The following ANKRD11 variants were observed in gnomAD, a reference collection of about 807,000 sequenced individuals.
The protein encoded by ANKRD11 is ankyrin repeat domain-containing protein 11.
A neutral mutation model predicts 195.7 loss-of-function variants in ANKRD11; 17 were observed. That is an observed-to-expected ratio of 0.09 (90% CI 0.06 to 0.13). The LOEUF (loss-of-function observed/expected upper bound fraction) is 0.13, where lower values mean the gene tolerates loss of function less well. ANKRD11 is among the 10% of genes least tolerant of loss of function. The pLI is 1.00. For missense variants in ANKRD11, 3,735 were observed against 3,566.1 expected (o/e 1.05, Z -1.21); for synonymous variants, 1,953 against 1,528.1 (o/e 1.28, Z -6.49).
chr16:89,430,600 T>C (rs2042936720), intron 1 of ANKRD11, among the ~76,000 whole-genome samples: 1 of 152,196 alleles, frequency 6.6e-6, no homozygotes, highest in South Asian at 2.1e-4. Context: ...ACACAGCAGG[T>C]GCGCTGTCCT....
intron 1 of ANKRD11, among the ~76,000 whole-genome samples, chr16:89,475,859 G>A (rs920649037): frequency 3.9e-5 from 6 of 152,044 alleles, no homozygotes; most frequent in African/African-American, 1.4e-4. Context: ...AGACCAGCCT[G>A]GCCAACATGG....
At chr16:89,288,795 G>T in intron 6 of ANKRD11, 125 bp from the exon 7 acceptor site, 2 of 1,350,390 alleles carry the variant, frequency 1.5e-6, no homozygotes, top group Non-Finnish European at 2.1e-6. Flanking sequence ...GCCCTGTAGT[G>T]AGGGCTGCAG....
At chr16:89,476,807 G>C (rs543043322) in intron 1 of ANKRD11, among the ~76,000 whole-genome samples, 6 of 151,176 alleles carry the variant, frequency 4.0e-5, no homozygotes, top group African/African-American at 1.5e-4. Flanking sequence ...GGTTCTCTCA[G>C]AGGCATGATG....
intron 2 of ANKRD11, among the ~76,000 whole-genome samples, chr16:89,331,140 G>A (rs937293069): frequency 6.6e-6 from 1 of 152,148 alleles, no homozygotes; most frequent in African/African-American, 2.4e-5. Flanking sequence ...TTTGAGGAGA[G>A]ATGGGGTTTC....
intron 9 of ANKRD11, among the ~76,000 whole-genome samples, chr16:89,276,551 G>C (rs1230088664): frequency 6.6e-6 from 1 of 152,194 alleles, no homozygotes; most frequent in Non-Finnish European, 1.5e-5. Flanking sequence ...GGCCAGGCCT[G>C]GGGCCTCTGA....
chr16:89,344,257 T>C (rs987547042), intron 2 of ANKRD11, among the ~76,000 whole-genome samples: 2 of 152,176 alleles, frequency 1.3e-5, no homozygotes, highest in African/African-American at 4.8e-5. Flanking sequence ...TTTACTTTCA[T>C]ACGTTATTTT....
At chr16:89,268,802 C>G (rs2032863155) in intron 12 of ANKRD11, 139 bp from the exon 13 acceptor site, 1 of 961,826 alleles carries the variant, frequency 1.0e-6, no homozygotes, top group Non-Finnish European at 1.6e-6. Flanking sequence ...CCAGCTGTAC[C>G]CGCTCCTGGC....
At chr16:89,311,935 T>G (rs2036627964) in intron 3 of ANKRD11, among the ~76,000 whole-genome samples, 1 of 152,202 alleles carries the variant, frequency 6.6e-6, no homozygotes, top group Admixed American at 6.5e-5. Context: ...TCTCACTCTG[T>G]CACCCAGGCT....
chr16:89,486,958 G>A (rs973673356), intron 1 of ANKRD11, among the ~76,000 whole-genome samples: 3 of 148,396 alleles, frequency 2.0e-5, no homozygotes, highest in Admixed American at 6.8e-5. Flanking sequence ...GCAGTGAGTC[G>A]AGATCATGCC....
At chr16:89,334,996 T>C (rs980155670) in intron 2 of ANKRD11, among the ~76,000 whole-genome samples, 2 of 152,090 alleles carry the variant, frequency 1.3e-5, no homozygotes, top group African/African-American at 2.4e-5. Flanking sequence ...CACAGGTACA[T>C]GTGACATGAG....
Position 89,388,264 on chromosome 16 carries a change from C to T in ANKRD11, c.-60+30020G>A, listed in dbSNP as rs142357196. Among the ~76,000 whole-genome samples the T allele has an allele frequency of 6.7e-5, 10 of 150,312 alleles. No individual in the cohort carries two copies. The East Asian group carries it at 2.0e-3, about 29-fold the overall frequency. ...TGCTCCAGGGCCCACGCGGGTGGTGCCGGGTGCTCTCTTCTCTCCATGAGG... is the reference window on the plus strand; with the variant it reads ...TGCTCCAGGGCCCACGCGGGTGGTGTCGGGTGCTCTCTTCTCTCCATGAGG... On this transcript the variant is annotated intron_variant, in intron 2 of 12. Coordinates refer to ENST00000301030, the MANE Select transcript of ANKRD11 (RefSeq NM_013275.6).
Position 89,282,922 on chromosome 16 carries a change from T to C in ANKRD11, c.3620A>G (p.Glu1207Gly). The C allele has an allele frequency of 3.1e-6, 5 of 1,613,294 alleles. No individual in the cohort carries two copies. The highest frequency in any genetic ancestry group is 8.5e-7 in the Non-Finnish European group (1 of 1,179,974). Reference protein sequence around the residue: ...KKEKVFEKHKEKKDKESTEKY... With the variant: ...KKEKVFEKHKGKKDKESTEKY... The stretch of plus-strand genomic sequence containing the variant: ...TTCTGTGGACTCTTTATCCTTCTTC[T>C]CCTTGTGCTTTTCAAAGACTTTCTC... The change falls in exon 9 of 13, where the codon GAG (glutamate) becomes GGG (glycine). Residue 1207 changes from glutamate (E) to glycine (G), a missense_variant. Physicochemically the swap from Glu to Gly is moderately conservative, Grantham distance 98. Coordinates refer to ENST00000301030, the MANE Select transcript of ANKRD11 (RefSeq NM_013275.6).
At chr16:89,462,575 G>C (rs541899506) in intron 1 of ANKRD11, among the ~76,000 whole-genome samples, 197 of 150,696 alleles carry the variant, frequency 1.3e-3, no homozygotes, top group Middle Eastern at 3.4e-3. Flanking sequence ...GCCCAGTCTG[G>C]AAAGTGAGGA....
At chr16:89,458,434 C>T (rs555724948) in intron 1 of ANKRD11, among the ~76,000 whole-genome samples, 3 of 152,134 alleles carry the variant, frequency 2.0e-5, no homozygotes, top group Non-Finnish European at 4.4e-5. Flanking sequence ...CCATGTTAGC[C>T]AGGATGGTCT....
At chr16:89,470,206 T>C (rs1208338446) in intron 1 of ANKRD11, among the ~76,000 whole-genome samples, 1 of 151,940 alleles carries the variant, frequency 6.6e-6, no homozygotes, top group Non-Finnish European at 1.5e-5. Context: ...ATGCCTATAA[T>C]GTCACCGGCC....
chr16:89,305,529 G>A (rs900523266), intron 3 of ANKRD11, among the ~76,000 whole-genome samples, 185 bp from the exon 4 acceptor site: 2 of 152,078 alleles, frequency 1.3e-5, no homozygotes, highest in South Asian at 4.1e-4. Context: ...GAAGCCCGGG[G>A]TCGGGCTGTG....
chr16:89,348,381 T>A (rs2039044600), intron 2 of ANKRD11, among the ~76,000 whole-genome samples: 1 of 152,224 alleles, frequency 6.6e-6, no homozygotes, highest in Admixed American at 6.5e-5. Flanking sequence ...GGTATCGCTA[T>A]CCTTTCTATC....
At position 89,279,962 on chromosome 16, in the gene ANKRD11, G is replaced by C. The variant is rs201589586; in HGVS notation, c.6580C>G (p.Gln2194Glu). The change falls in exon 9 of 13, where the codon CAG becomes GAG. Residue 2194 changes from glutamine to glutamate, a missense_variant. Physicochemically the swap from Gln to Glu is conservative, Grantham distance 29 (BLOSUM62 2). Coordinates refer to ENST00000301030, the MANE Select transcript of ANKRD11 (RefSeq NM_013275.6). This position sits in a 1 kb window ranked among gnomAD's most constrained non-coding sequence, Gnocchi z 5.6. Reference protein sequence around the residue: ...AEEPPALPPDQASTRLPAELE... With the variant: ...AEEPPALPPDEASTRLPAELE... ...TCTGCAGGGAGCCGGGTGGAGGCCT[G>C]GTCAGGAGGCAGTGCCGGCGGCTCC... 2.4e-4 allele frequency: 391 copies of C among 1,610,456 alleles called. No individual in the cohort carries two copies. Among genetic ancestry groups the C allele is most frequent in the Non-Finnish European group, 3.1e-4 (361 of 1,179,932 alleles).
At chr16:89,384,879 C>CTTTCTTTTTTTTTTTTTTTTTTT (rs2040832957) in intron 2 of ANKRD11, among the ~76,000 whole-genome samples, 1 of 49,910 alleles carries the variant, frequency 2.0e-5, no homozygotes, top group African/African-American at 7.9e-5. Flanking sequence ...AAATAGTTTT[C>CTTTCTTTTTTTTTTTTTTTTTTT]TTTTTTTTTT....
Sources: allele counts gnomAD v4.1 joint callset (sites outside exome capture counted in the v4.1 genomes callset), GRCh38; gene constraint gnomAD v4.1.1; non-coding constraint Gnocchi (gnomAD v3.1); transcripts MANE v1.5; gene names NCBI Gene and HGNC (gene_info 2026-07-23, HGNC 2026-07-21).